The following CPQ variants were observed in gnomAD, a reference collection of about 807,000 sequenced individuals.
CPQ encodes Ser-Met dipeptidase.
Under a neutral mutation model 45.7 loss-of-function variants are expected in CPQ, and 37 were observed. The observed-to-expected ratio is 0.81, with a 90% CI of 0.62 to 1.07. The LOEUF is 1.07. Ranked by LOEUF, CPQ falls within the 50% of genes least tolerant of loss-of-function variation. CPQ has a pLI of 0.00. For synonymous variants in CPQ, 186 were observed against 205.8 expected, an observed-to-expected ratio of 0.90 and a Z score of 0.82; for missense variants, 537 against 572.9, an observed-to-expected ratio of 0.94 and a Z score of 0.64.
intron 1 of CPQ, among the ~76,000 whole-genome samples, chr8:96,737,663 T>G (rs1263505226): frequency 6.6e-6 from 1 of 152,116 alleles, no homozygotes; most frequent in Non-Finnish European, 1.5e-5. Flanking sequence ...TTAATCACTT[T>G]TGGCAACACC....
At position 96,980,155 on chromosome 8, in the gene CPQ, C is replaced by G. The variant is rs1012082682; in HGVS notation, c.961+14109C>G. ...CTATCATTATATATAGATTTTGAAA[C>G]AGAGTCTCGCTCTGTTGCCCAGGCT... On this transcript the variant is annotated intron_variant, in intron 5 of 7. Coordinates refer to ENST00000220763, the MANE Select transcript of CPQ (RefSeq NM_016134.4). Among the ~76,000 whole-genome samples the G allele has an allele frequency of 2.0e-5, 3 of 152,074 alleles. No homozygotes were observed. The South Asian group carries it at 6.2e-4, about 32-fold the overall frequency.
chr8:96,703,437 A>G lies in CPQ; in HGVS notation c.-35+58035A>G, dbSNP rs182848551. 1.3e-3 allele frequency among the ~76,000 whole-genome samples: 196 copies of G among 152,324 alleles called. No homozygotes were observed. The Middle Eastern group carries it at 0.014, about 11-fold the overall frequency. ...TAAATGCTTATTGAATGAATGATTA[A>G]ATGAATGAAAAAAGTAACACTCAAA... is the stretch of plus-strand genomic sequence containing the variant. On this transcript the variant is annotated intron_variant, in intron 1 of 7. Coordinates refer to ENST00000220763, the MANE Select transcript of CPQ (RefSeq NM_016134.4).
intron 1 of CPQ, among the ~76,000 whole-genome samples, chr8:96,769,873 C>G (rs1810517756): frequency 6.6e-6 from 1 of 151,958 alleles, no homozygotes; most frequent in South Asian, 2.1e-4. Flanking sequence ...AAGGGAGCTT[C>G]ATATTTGTTT....
intron 5 of CPQ, among the ~76,000 whole-genome samples, chr8:97,012,179 T>C (rs1809498848): frequency 6.6e-6 from 1 of 152,196 alleles, no homozygotes; most frequent in African/African-American, 2.4e-5. Context: ...GAATCTGATA[T>C]TCAGAGTTGC....
chr8:96,826,909 T>C (rs1415800876), intron 2 of CPQ, among the ~76,000 whole-genome samples: 1 of 152,072 alleles, frequency 6.6e-6, no homozygotes, highest in African/African-American at 2.4e-5. Context: ...ATTAGTTTGC[T>C]GAGGATAATG....
chr8:96,760,610 G>A (rs1810388206), intron 1 of CPQ, among the ~76,000 whole-genome samples: 1 of 152,086 alleles, frequency 6.6e-6, no homozygotes, highest in Non-Finnish European at 1.5e-5. Context: ...TGGTTATAAT[G>A]CATTATAATC....
At chr8:96,749,931 A>C (rs1203843805) in intron 1 of CPQ, among the ~76,000 whole-genome samples, 2 of 152,166 alleles carry the variant, frequency 1.3e-5, no homozygotes. Flanking sequence ...TAGAACAACT[A>C]TAAAGGTCCC....
At chr8:96,715,210 G>T (rs1005055577) in intron 1 of CPQ, among the ~76,000 whole-genome samples, 1 of 152,160 alleles carries the variant, frequency 6.6e-6, no homozygotes, top group South Asian at 2.1e-4. Context: ...AGAGGTCCTA[G>T]CCTTGATAGA....
At chr8:97,010,325 T>G (rs1274612148) in intron 5 of CPQ, among the ~76,000 whole-genome samples, 1 of 152,124 alleles carries the variant, frequency 6.6e-6, no homozygotes, top group Admixed American at 6.6e-5. Context: ...GGAGTAAAAA[T>G]ATAAAAAATC....
At chr8:96,867,231 A>G (rs988078350) in intron 3 of CPQ, among the ~76,000 whole-genome samples, 1 of 152,068 alleles carries the variant, frequency 6.6e-6, no homozygotes, top group African/African-American at 2.4e-5. Context: ...TAATTTCTCA[A>G]TTTCTTAAAC....
intron 2 of CPQ, among the ~76,000 whole-genome samples, chr8:96,830,682 T>G (rs1193293974): frequency 6.6e-6 from 1 of 152,120 alleles, no homozygotes; most frequent in African/African-American, 2.4e-5. Flanking sequence ...ATGACTCCTG[T>G]CCTAGGATGA....
At chr8:96,975,707 A>G (rs1288015147) in intron 5 of CPQ, among the ~76,000 whole-genome samples, 1 of 152,096 alleles carries the variant, frequency 6.6e-6, no homozygotes, top group Non-Finnish European at 1.5e-5. Context: ...GTCAATAAAT[A>G]TGATACATCA....
intron 7 of CPQ, among the ~76,000 whole-genome samples, chr8:97,119,673 T>C (rs1267546516): frequency 1.3e-5 from 2 of 152,136 alleles, no homozygotes; most frequent in African/African-American, 4.8e-5. Context: ...CAGTGGGGGA[T>C]TACTTAGAAC....
chr8:96,875,577 G>A (rs1236369049), intron 3 of CPQ, among the ~76,000 whole-genome samples: 2 of 151,850 alleles, frequency 1.3e-5, no homozygotes, highest in Admixed American at 6.6e-5. Context: ...AACTGTCTGG[G>A]TATCTTTGTT....
At chr8:97,023,927 C>A (rs1809752669) in intron 5 of CPQ, among the ~76,000 whole-genome samples, 1 of 152,152 alleles carries the variant, frequency 6.6e-6, no homozygotes, top group Admixed American at 6.5e-5. Flanking sequence ...CTATATGGCA[C>A]CATTTGCACA....
intron 1 of CPQ, among the ~76,000 whole-genome samples, chr8:96,667,769 ACTAAATATTAG>A (rs1808945866): frequency 1.3e-5 from 2 of 152,178 alleles, no homozygotes; most frequent in Non-Finnish European, 2.9e-5. Context: ...CTGTCTGCCA[ACTAAATATTAG>A]CTATCCTTCA....
intron 3 of CPQ, among the ~76,000 whole-genome samples, chr8:96,839,443 GC>G (rs1811576162): frequency 6.6e-6 from 1 of 151,988 alleles, no homozygotes; most frequent in Admixed American, 6.6e-5. Flanking sequence ...CCCCATTAGA[GC>G]TTTTTTAGTT....
At chr8:96,659,539 A>G (rs1277467860) in intron 1 of CPQ, among the ~76,000 whole-genome samples, 1 of 152,212 alleles carries the variant, frequency 6.6e-6, no homozygotes, top group Non-Finnish European at 1.5e-5. Context: ...TCTTTACCCT[A>G]CGGCTTTAAT....
intron 4 of CPQ, among the ~76,000 whole-genome samples, chr8:96,955,021 A>G (rs1381768451): frequency 6.6e-6 from 1 of 152,140 alleles, no homozygotes; most frequent in Non-Finnish European, 1.5e-5. Context: ...GGTTGGTTCC[A>G]AGTCTTTGAT....
Sources: gnomAD v4.1 joint callset for allele counts (sites outside exome capture counted in the v4.1 genomes callset) on GRCh38, gnomAD v4.1.1 for gene constraint, MANE v1.5 for transcripts, NCBI Gene and HGNC (gene_info 2026-07-23, HGNC 2026-07-21) for gene names.